ARHGAP24: variants seen among roughly 807,000 people sequenced by gnomAD.
ARHGAP24 encodes the protein Rho GTPase activating protein 24.
A neutral mutation model predicts 76.4 loss-of-function variants in ARHGAP24; 50 were observed. The ratio of observed to expected loss-of-function variants is 0.65; its 90% CI spans 0.52 to 0.83. ARHGAP24 has a LOEUF of 0.83. Ranked by LOEUF, ARHGAP24 falls within the 40% of genes least tolerant of loss-of-function variation. ARHGAP24 has a pLI of 0.00. For synonymous variants in ARHGAP24, 345 were observed against 323.3 expected (o/e 1.07, Z -0.72); for missense variants, 930 against 914.2 (o/e 1.02, Z -0.22).
At position 85,917,839 on chromosome 4, in the gene ARHGAP24, G is replaced by A. The variant is rs1215817434; in HGVS notation, c.269-5809G>A. ...AAAGCCTACTTTGGTGGCTATTTTT[G>A]GAACTTTTCACACAATAAGTACAAT... On this transcript the variant is annotated intron_variant, in intron 3 of 9. Transcript: ENST00000395184. Among the ~76,000 whole-genome samples, 9 of 152,000 alleles carry A rather than the reference G, an allele frequency of 5.9e-5. No individual in the cohort carries two copies. In the East Asian group the frequency reaches 1.7e-3, roughly 29 times the overall value.
At chr4:85,763,241 T>A (rs1305181457) in intron 3 of ARHGAP24, among the ~76,000 whole-genome samples, 2 of 152,008 alleles carry the variant, frequency 1.3e-5, no homozygotes, top group Non-Finnish European at 2.9e-5. Context: ...GACTAGGCCA[T>A]TTTTTTTATA....
intron 1 of ARHGAP24, among the ~76,000 whole-genome samples, chr4:85,562,101 G>A (rs549151750): frequency 3.3e-5 from 5 of 152,328 alleles, no homozygotes; most frequent in South Asian, 2.1e-4. Context: ...CATATAGGCC[G>A]TGACAAAGAA....
At chr4:85,574,987 T>A (rs1278884139) in intron 2 of ARHGAP24, among the ~76,000 whole-genome samples, 37 of 152,230 alleles carry the variant, frequency 2.4e-4, no homozygotes, top group Admixed American at 2.4e-3. Context: ...GGCTCTCAGC[T>A]CTCTGGAGAC....
chr4:86,000,351 T>C lies in ARHGAP24; in HGVS notation c.2004-128T>C, dbSNP rs116523638. ...CTTTAAATCATTGAAAGGGCTTTAT[T>C]CCAATTTCCTAAGCATCATAAAGAG... On this transcript the variant is annotated intron_variant, in intron 9 of 9. Transcript: ENST00000395184. The C allele has an allele frequency of 2.6e-3, 2,033 of 778,248 alleles. 6 individuals are homozygous for C. The highest frequency in any genetic ancestry group is 3.8e-3 in the Non-Finnish European group (1,743 of 460,086). The allele number at this position is 778,248 out of a possible 1,614,324, so 48.2% of individuals were successfully genotyped here.
Position 85,897,862 on chromosome 4 carries a change from G to C in ARHGAP24, c.269-25786G>C, listed in dbSNP as rs368693938. Among the ~76,000 whole-genome samples the C allele has an allele frequency of 1.3e-4, 20 of 152,046 alleles. No individual in the cohort carries two copies. In the East Asian group the frequency reaches 2.1e-3, roughly 16 times the overall value. On this transcript the variant is annotated intron_variant, in intron 3 of 9. Coordinates refer to ENST00000395184, the MANE Select transcript of ARHGAP24 (RefSeq NM_001025616.3). Reference sequence around the variant, plus strand: ...TGAGGGAAAGAAGGAAGCAAGCAAGGGGGGAGATAAAGTGGTGGGTGTGTG... The same window carrying C: ...TGAGGGAAAGAAGGAAGCAAGCAAGCGGGGAGATAAAGTGGTGGGTGTGTG...
At chr4:85,528,327 A>C (rs1016761012) in intron 1 of ARHGAP24, among the ~76,000 whole-genome samples, 2 of 152,138 alleles carry the variant, frequency 1.3e-5, no homozygotes, top group African/African-American at 2.4e-5. Flanking sequence ...TATGATTGCT[A>C]AAAATATTAT....
At chr4:85,679,930 T>A (rs1351219082) in intron 2 of ARHGAP24, among the ~76,000 whole-genome samples, 2 of 152,212 alleles carry the variant, frequency 1.3e-5, no homozygotes, top group Non-Finnish European at 2.9e-5. Flanking sequence ...ATATATTGGT[T>A]CTACCCAACT....
intron 4 of ARHGAP24, among the ~76,000 whole-genome samples, chr4:85,927,876 A>T (rs1325240142): frequency 6.6e-6 from 1 of 152,234 alleles, no homozygotes; most frequent in Non-Finnish European, 1.5e-5. Context: ...ACATTAGATT[A>T]AAATATAGGA....
At chr4:85,650,520 G>A (rs1339399270) in intron 2 of ARHGAP24, among the ~76,000 whole-genome samples, 1 of 149,364 alleles carries the variant, frequency 6.7e-6, no homozygotes. Context: ...TTGTTGATGT[G>A]TCTAATCATA....
At chr4:85,657,222 G>A (rs957905984) in intron 2 of ARHGAP24, among the ~76,000 whole-genome samples, 3 of 152,116 alleles carry the variant, frequency 2.0e-5, no homozygotes, top group African/African-American at 7.2e-5. Flanking sequence ...TTTTGTGGCT[G>A]TACAATTGGG....
At chr4:85,519,782 C>G (rs966339656) in intron 1 of ARHGAP24, among the ~76,000 whole-genome samples, 1 of 150,980 alleles carries the variant, frequency 6.6e-6, no homozygotes, top group Non-Finnish European at 1.5e-5. Flanking sequence ...TTTTACTTCT[C>G]CCTCTACTGA....
intron 3 of ARHGAP24, among the ~76,000 whole-genome samples, chr4:85,880,463 C>T (rs1733182249): frequency 6.6e-6 from 1 of 152,158 alleles, no homozygotes; most frequent in Non-Finnish European, 1.5e-5. Context: ...GTGTTCCACC[C>T]ACACATTTAA....
chr4:85,686,185 T>G (rs1723417242), intron 2 of ARHGAP24, among the ~76,000 whole-genome samples: 1 of 152,160 alleles, frequency 6.6e-6, no homozygotes, highest in Non-Finnish European at 1.5e-5. Context: ...CCTACTTATA[T>G]TTAAAGCTAA....
intron 3 of ARHGAP24, among the ~76,000 whole-genome samples, chr4:85,736,647 C>G (rs181735713): frequency 6.6e-6 from 1 of 152,302 alleles, no homozygotes; most frequent in East Asian, 1.9e-4. Flanking sequence ...TCAAGGAACA[C>G]CGATCAAGTC....
intron 3 of ARHGAP24, among the ~76,000 whole-genome samples, chr4:85,773,665 C>T (rs965255395): frequency 1.3e-5 from 2 of 152,136 alleles, no homozygotes. Context: ...AGTTAGTCTT[C>T]TTCTTTGTAC....
At chr4:85,916,827 A>C (rs1317646384) in intron 3 of ARHGAP24, among the ~76,000 whole-genome samples, 1 of 152,222 alleles carries the variant, frequency 6.6e-6, no homozygotes, top group Non-Finnish European at 1.5e-5. Flanking sequence ...ATTTAAATGC[A>C]AACAAATAAT....
intron 3 of ARHGAP24, among the ~76,000 whole-genome samples, chr4:85,853,188 G>A (rs1244868879): frequency 6.6e-5 from 10 of 152,204 alleles, no homozygotes; most frequent in Non-Finnish European, 1.5e-5. Context: ...AATGGTGGAC[G>A]CCCCTTCCCC....
chr4:85,768,045 C>T lies in ARHGAP24; in HGVS notation c.268+46073C>T, dbSNP rs143726505. ...TGTCAAAGAGACTGGCCCTCACAGTCTCAGAACAAAAATAGACTGTTTATA... is the reference window on the plus strand; with the variant it reads ...TGTCAAAGAGACTGGCCCTCACAGTTTCAGAACAAAAATAGACTGTTTATA... On this transcript the variant is annotated intron_variant, in intron 3 of 9. Coordinates refer to ENST00000395184, the MANE Select transcript of ARHGAP24 (RefSeq NM_001025616.3). Among the ~76,000 whole-genome samples, 21 of 152,204 alleles carry T rather than the reference C, an allele frequency of 1.4e-4. No individual in the cohort carries two copies. In the East Asian group the frequency reaches 3.9e-3, roughly 28 times the overall value.
At chr4:85,590,074 G>A (rs1231032045) in intron 2 of ARHGAP24, among the ~76,000 whole-genome samples, 2 of 152,130 alleles carry the variant, frequency 1.3e-5, no homozygotes, top group East Asian at 1.9e-4. Context: ...CAGTGAATTC[G>A]TAACACAAAG....
Sources: gnomAD v4.1 joint callset for allele counts (sites outside exome capture counted in the v4.1 genomes callset) on GRCh38, gnomAD v4.1.1 for gene constraint, MANE v1.5 for transcripts, NCBI Gene and HGNC (gene_info 2026-07-23, HGNC 2026-07-21) for gene names.